Variants in MGA observed in about 807,000 individuals in gnomAD.
The protein encoded by MGA is MAX gene-associated protein.
A neutral mutation model predicts 261.1 loss-of-function variants in MGA; 40 were observed. The ratio of observed to expected loss-of-function variants is 0.15; its 90% CI spans 0.12 to 0.20. The LOEUF (loss-of-function observed/expected upper bound fraction) is 0.20. MGA is among the 10% of genes least tolerant of loss of function. The pLI is 1.00. For missense variants in MGA, 3,397 were observed against 3,630.5 expected (o/e 0.94, Z 1.65); for synonymous variants, 1,302 against 1,290.6 (o/e 1.01, Z -0.19).
intron 2 of MGA, among the ~76,000 whole-genome samples, chr15:41,679,277 C>T (rs574400217): frequency 8.5e-5 from 13 of 152,182 alleles, no homozygotes; most frequent in African/African-American, 2.4e-4. Context: ...CCTTGTGATC[C>T]GCCCGCCTTG....
chr15:41,716,440 C>T (rs1054333532), intron 9 of MGA, among the ~76,000 whole-genome samples: 2 of 151,398 alleles, frequency 1.3e-5, no homozygotes, highest in South Asian at 2.1e-4. Context: ...GGCGACAAAG[C>T]GAGACTCCGT....
chr15:41,769,216 G>A lies in MGA; in HGVS notation c.*1936G>A, dbSNP rs934436093. 1.3e-5 allele frequency: 2 copies of A among 151,652 alleles called. No homozygotes were observed. The highest frequency in any genetic ancestry group is 4.9e-5 in the African/African-American group (2 of 41,106). 9.4% of individuals were successfully genotyped at this position (151,652 alleles called of 1,614,324 possible). On this transcript the variant is annotated 3_prime_UTR_variant, in exon 24 of 24. Coordinates refer to ENST00000219905, the MANE Select transcript of MGA (RefSeq NM_001164273.2). ...CTCCTGATTTCCCAAGACTCTCTTT[G>A]TGGCTTTTGAGGGTCAGCCAAGGAG...
chr15:41,679,735 T>A (rs994548258), intron 2 of MGA, among the ~76,000 whole-genome samples: 1 of 152,110 alleles, frequency 6.6e-6, no homozygotes, highest in Admixed American at 6.6e-5. Flanking sequence ...TGGGGGGGAC[T>A]GAGTGCGTTT....
intron 5 of MGA, among the ~76,000 whole-genome samples, chr15:41,706,782 C>T (rs1162213605): frequency 1.3e-5 from 2 of 151,950 alleles, no homozygotes; most frequent in African/African-American, 4.8e-5. Context: ...CCATGTTGGC[C>T]AGGCTGGTCT....
At chr15:41,688,303 T>C (rs778097724) in intron 2 of MGA, among the ~76,000 whole-genome samples, 27 of 152,294 alleles carry the variant, frequency 1.8e-4, no homozygotes, top group Middle Eastern at 3.4e-3. Context: ...CTTGAACTCC[T>C]GAGCTCAGGT....
At chr15:41,691,079 C>T (rs1213520427) in intron 2 of MGA, among the ~76,000 whole-genome samples, 4 of 140,804 alleles carry the variant, frequency 2.8e-5, no homozygotes, top group Non-Finnish European at 6.0e-5. Context: ...AAAAAAATCA[C>T]AGATGGAGTT....
At chr15:41,757,147 T>G (rs2063199665) in intron 18 of MGA, among the ~76,000 whole-genome samples, 1 of 152,216 alleles carries the variant, frequency 6.6e-6, no homozygotes, top group Non-Finnish European at 1.5e-5. Flanking sequence ...ATGGTTCATA[T>G]GTGGGTGTTC....
chr15:41,757,820 C>G lies in MGA; in HGVS notation c.7172C>G (p.Ala2391Gly). 6.2e-7 allele frequency: 1 copy of G among 1,609,706 alleles called. No individual in the cohort carries two copies. The highest frequency in any genetic ancestry group is 8.5e-7 in the Non-Finnish European group (1 of 1,176,682). Residue 2391 changes from alanine to glycine, a missense_variant, in exon 19 of 24, where the codon GCA becomes GGA. This residue lies in a region of MGA where 1,410 missense variants were observed against 1,386.4 expected (regional missense o/e 1.02). Transcript: ENST00000219905. ...ACTCACATCTCTGCAGATGAAAAAG[C>G]AGCTGAAAGGAGTCGAAAGGTATTT...
At chr15:41,681,476 G>T (rs1178136386) in intron 2 of MGA, among the ~76,000 whole-genome samples, 1 of 151,514 alleles carries the variant, frequency 6.6e-6, no homozygotes, top group African/African-American at 2.4e-5. Flanking sequence ...TTTTGAGACG[G>T]AGTCTCACTT....
At chr15:41,680,986 T>G (rs2058640524) in intron 2 of MGA, among the ~76,000 whole-genome samples, 1 of 152,218 alleles carries the variant, frequency 6.6e-6, no homozygotes. Context: ...CTACAGGTCA[T>G]GTCATTAGCT....
chr15:41,663,727 C>T (rs2150867351), intron 1 of MGA, among the ~76,000 whole-genome samples: 1 of 152,120 alleles, frequency 6.6e-6, no homozygotes, highest in East Asian at 1.9e-4. Flanking sequence ...CGCCTCAGCC[C>T]CTCAAAGTGC....
At chr15:41,655,061 A>G (rs552769578) in intron 1 of MGA, among the ~76,000 whole-genome samples, 1 of 152,164 alleles carries the variant, frequency 6.6e-6, no homozygotes, top group South Asian at 2.1e-4. Context: ...TGGTTCCAAG[A>G]TACTGTCCCC....
At chr15:41,661,697 C>T (rs2057413467) in intron 1 of MGA, among the ~76,000 whole-genome samples, 1 of 152,178 alleles carries the variant, frequency 6.6e-6, no homozygotes, top group Non-Finnish European at 1.5e-5. Flanking sequence ...GTAGAGCTTG[C>T]CAGGCTTATG....
chr15:41,764,166 A>G (rs1423907102), intron 22 of MGA, among the ~76,000 whole-genome samples: 1 of 151,422 alleles, frequency 6.6e-6, no homozygotes, highest in African/African-American at 2.4e-5. Context: ...CTCAAAAAAA[A>G]TTAAAAAAAA....
chr15:41,680,168 G>A (rs950080014), intron 2 of MGA, among the ~76,000 whole-genome samples: 1 of 152,106 alleles, frequency 6.6e-6, no homozygotes, highest in Non-Finnish European at 1.5e-5. Context: ...GTGGTAAGGC[G>A]TTTTTCTAAC....
In MGA at chr15:41,750,597, G is replaced by T; in HGVS notation, c.6990G>T (p.Glu2330Asp). The change falls in exon 17 of 24, where the codon GAG (glutamate) becomes GAT (aspartate). Residue 2330 changes from glutamate to aspartate, a missense_variant. By Grantham distance (45) the Glu-to-Asp change is conservative. Coordinates refer to ENST00000219905, the MANE Select transcript of MGA (RefSeq NM_001164273.2). ...TTGTTTCTGACTACCAGAGTGAGGA[G>T]GTTGATGATGTAGAAAAGGTGGTGA... is the stretch of plus-strand genomic sequence containing the variant. 1.2e-6 allele frequency: 2 copies of T among 1,607,094 alleles called. No individual in the cohort carries two copies. The highest frequency in any genetic ancestry group is 1.1e-5 in the South Asian group (1 of 89,842).
In MGA at chr15:41,750,046, G is replaced by A. The variant is rs1244249394; in HGVS notation, c.6439G>A (p.Val2147Ile). Residue 2147 changes from valine (V) to isoleucine (I), a missense_variant, in exon 17 of 24, where the codon GTT (valine) becomes ATT (isoleucine). Coordinates refer to ENST00000219905, the MANE Select transcript of MGA (RefSeq NM_001164273.2). Reference sequence around the variant, plus strand: ...TAAATTTGAATTGTCAGGAAGCAAAGTTATGGAGCAGCAATCTAATCTACA... The same window carrying A: ...TAAATTTGAATTGTCAGGAAGCAAAATTATGGAGCAGCAATCTAATCTACA... 5 of 1,613,218 alleles carry A rather than the reference G, an allele frequency of 3.1e-6. No individual in the cohort carries two copies. The highest frequency in any genetic ancestry group is 2.7e-5 in the African/African-American group (2 of 74,868).
At chr15:41,649,155 G>A (rs976123510) in intron 1 of MGA, among the ~76,000 whole-genome samples, 5 of 152,008 alleles carry the variant, frequency 3.3e-5, no homozygotes, top group East Asian at 3.9e-4. Context: ...AGGCTGAGGC[G>A]GGTGGATCAT....
rs201084278 is a variant in MGA, at chr15:41,718,423, G to A, written c.3430+4927G>A. 1.1e-5 allele frequency: 14 copies of A among 1,273,454 alleles called. No homozygotes were observed. In the Admixed American group the frequency reaches 2.2e-4, roughly 20 times the overall value. The allele number at this position is 1,273,454 out of a possible 1,614,324, so 78.9% of individuals were successfully genotyped here. A position where few individuals can be genotyped will look rare whatever the true frequency, so the allele number is the denominator to read the frequency against. The stretch of plus-strand genomic sequence containing the variant: ...CCATTCGTCAGGGCAAACACAGATC[G>A]CAGGTAGCCCTGGAGCTGAGGAATA... On this transcript the variant is annotated intron_variant, in intron 9 of 23. Transcript: ENST00000219905.
Sources: allele counts gnomAD v4.1 joint callset (sites outside exome capture counted in the v4.1 genomes callset), GRCh38; gene constraint gnomAD v4.1.1; regional missense constraint gnomAD v4.1.1; transcripts MANE v1.5; gene names NCBI Gene and HGNC (gene_info 2026-07-23, HGNC 2026-07-21).